Variants in ATP2A2 observed in about 807,000 individuals in gnomAD.
ATP2A2 encodes the protein sarcoplasmic/endoplasmic reticulum calcium ATPase 2.
A neutral mutation model predicts 109.3 loss-of-function variants in ATP2A2; 14 were observed. The ratio of observed to expected loss-of-function variants is 0.13; its 90% CI spans 0.08 to 0.20. The LOEUF is 0.20. Among genes scored for constraint, ATP2A2 ranks in the 10% least tolerant of loss-of-function variants. The pLI, the probability that ATP2A2 is intolerant of heterozygous loss-of-function variation, is 1.00. For synonymous variants in ATP2A2, 506 were observed against 490.9 expected (o/e 1.03, Z -0.41); for missense variants, 657 against 1,321.6 (o/e 0.50, Z 7.80).
chr12:110,347,073 T>A lies in ATP2A2; in HGVS notation c.*603T>A. 1 of 1,041,308 alleles carries A rather than the reference T, an allele frequency of 9.6e-7. No individual in the cohort carries two copies. The highest frequency in any genetic ancestry group is 1.9e-5 in the African/African-American group (1 of 53,674). The allele number at this position is 1,041,308 out of a possible 1,614,324, so 64.5% of individuals were successfully genotyped here. On this transcript the variant is annotated 3_prime_UTR_variant, in exon 20 of 20. Coordinates refer to ENST00000539276, the MANE Select transcript of ATP2A2 (RefSeq NM_170665.4). The stretch of plus-strand genomic sequence containing the variant: ...TACCCCCGCCCCGCTTGGCTTCTTC[T>A]TTAGGATTGTGATGGTTCGTTCTGT...
At chr12:110,319,424 C>T (rs1239469793) in intron 5 of ATP2A2, among the ~76,000 whole-genome samples, 2 of 151,500 alleles carry the variant, frequency 1.3e-5, no homozygotes. Flanking sequence ...GTTTCCCAGG[C>T]ATTTGACATT....
At chr12:110,343,582 C>CGT (rs759044107) in intron 16 of ATP2A2, 148 bp downstream of exon 16, 1 of 928,992 alleles carries the variant, frequency 1.1e-6, no homozygotes. Flanking sequence ...GTTCGATGAA[C>CGT]TATACATCCA....
intron 3 of ATP2A2, among the ~76,000 whole-genome samples, chr12:110,288,942 T>TC (rs1357455300): frequency 6.6e-6 from 1 of 152,186 alleles, no homozygotes; most frequent in Non-Finnish European, 1.5e-5. Flanking sequence ...CTGTTGTCAA[T>TC]CCTCTTTCTC....
intron 6 of ATP2A2, among the ~76,000 whole-genome samples, chr12:110,325,133 G>C (rs1000567102): frequency 6.6e-6 from 1 of 151,702 alleles, no homozygotes; most frequent in Non-Finnish European, 1.5e-5. Context: ...AACTTTAAAA[G>C]TTTAAAAAAA....
intron 5 of ATP2A2, among the ~76,000 whole-genome samples, chr12:110,315,015 C>T (rs1230978124): frequency 6.6e-6 from 1 of 151,958 alleles, no homozygotes; most frequent in Non-Finnish European, 1.5e-5. Context: ...CACAGGCACC[C>T]GCCACCATGC....
In ATP2A2 at chr12:110,349,869, G is replaced by C; in HGVS notation, c.*3399G>C. 1 of 1,052,756 alleles carries C rather than the reference G, an allele frequency of 9.5e-7. No homozygotes were observed. The highest frequency in any genetic ancestry group is 1.1e-6 in the Non-Finnish European group (1 of 870,904). 65.2% of individuals were successfully genotyped at this position (1,052,756 alleles called of 1,614,324 possible). ...CTCTCCAGGGCTAGGCAAGGCAGGC[G>C]AGCAGCCAGAAGCCGGGTGCCCACA... On this transcript the variant is annotated 3_prime_UTR_variant, in exon 20 of 20. Coordinates refer to ENST00000539276, the MANE Select transcript of ATP2A2 (RefSeq NM_170665.4).
intron 6 of ATP2A2, among the ~76,000 whole-genome samples, chr12:110,324,570 C>T (rs148075851): frequency 0.012 from 1,776 of 152,138 alleles, 50 homozygotes; most frequent in African/African-American, 0.04. Flanking sequence ...TATAGGCGTG[C>T]GCCACCATGC....
At chr12:110,312,893 T>G (rs1408501012) in intron 5 of ATP2A2, among the ~76,000 whole-genome samples, 2 of 151,148 alleles carry the variant, frequency 1.3e-5, no homozygotes, top group African/African-American at 4.9e-5. Flanking sequence ...GAAAAATTGC[T>G]TTAGTTGTTC....
At chr12:110,300,027 A>ATTAC (rs1279091901) in intron 5 of ATP2A2, among the ~76,000 whole-genome samples, 1 of 151,538 alleles carries the variant, frequency 6.6e-6, no homozygotes. Flanking sequence ...AAGTGCTGGG[A>ATTAC]TTACAGGAGT....
chr12:110,321,009 CT>C (rs1316030429), intron 5 of ATP2A2, among the ~76,000 whole-genome samples: 1 of 152,142 alleles, frequency 6.6e-6, no homozygotes, highest in Non-Finnish European at 1.5e-5. Flanking sequence ...AGGTGGATGC[CT>C]GAGGTCAGGA....
chr12:110,317,754 A>G (rs1876821644), intron 5 of ATP2A2, among the ~76,000 whole-genome samples: 1 of 152,212 alleles, frequency 6.6e-6, no homozygotes, highest in South Asian at 2.1e-4. Context: ...ATCATGGCTT[A>G]TAAACGTTTG....
At chr12:110,320,982 A>AT (rs1321186027) in intron 5 of ATP2A2, among the ~76,000 whole-genome samples, 2 of 152,222 alleles carry the variant, frequency 1.3e-5, no homozygotes, top group African/African-American at 2.4e-5. Context: ...TAATCTCAGC[A>AT]TTTTGGGAGG....
At chr12:110,312,427 G>A (rs1427936913) in intron 5 of ATP2A2, among the ~76,000 whole-genome samples, 4 of 152,118 alleles carry the variant, frequency 2.6e-5, no homozygotes, top group African/African-American at 7.2e-5. Flanking sequence ...GTCCCTTTGA[G>A]AATTAATGAA....
chr12:110,306,078 T>A (rs1364855677), intron 5 of ATP2A2, among the ~76,000 whole-genome samples: 1 of 152,212 alleles, frequency 6.6e-6, no homozygotes, highest in East Asian at 1.9e-4. Context: ...TTCACCGCTA[T>A]GACAGGCTGG....
chr12:110,296,843 A>G (rs1396526649), intron 5 of ATP2A2, 106 bp downstream of exon 5: 30 of 1,298,018 alleles, frequency 2.3e-5, no homozygotes, highest in African/African-American at 7.5e-5. Context: ...TCATGTATCA[A>G]TTAACACATT....
chr12:110,343,165 A>G, intron 15 of ATP2A2, 67 bp from the exon 16 acceptor site: 3 of 1,524,318 alleles, frequency 2.0e-6, no homozygotes, highest in Non-Finnish European at 2.7e-6. Context: ...CGGGTTGATG[A>G]TGCTCTTTAA....
At chr12:110,296,326 G>A (rs1216894494) in intron 4 of ATP2A2, 1 of 431,982 alleles carries the variant, frequency 2.3e-6, no homozygotes, top group African/African-American at 2.0e-5. Context: ...TGAAAGCTGT[G>A]TTTTACAGTC....
chr12:110,322,520 G>T (rs1280431318), intron 5 of ATP2A2, among the ~76,000 whole-genome samples: 1 of 151,658 alleles, frequency 6.6e-6, no homozygotes, highest in Admixed American at 6.6e-5. Context: ...TTTTGCATTT[G>T]CCATGTGTTT....
chr12:110,346,490 A>C lies in ATP2A2; in HGVS notation c.*20A>C. On this transcript the variant is annotated 3_prime_UTR_variant, in exon 20 of 20. Transcript: ENST00000539276. ...TCTTGACTGACAGTTTTCCATAAAGAAGATGTTTAACTTAATCAATTAATT... is the reference window on the plus strand; with the variant it reads ...TCTTGACTGACAGTTTTCCATAAAGCAGATGTTTAACTTAATCAATTAATT... 1 of 1,614,070 alleles carries C rather than the reference A, an allele frequency of 6.2e-7. No individual in the cohort carries two copies. Among genetic ancestry groups the C allele is most frequent in the Non-Finnish European group, 8.5e-7 (1 of 1,180,010 alleles).
Sources: gnomAD v4.1 joint callset for allele counts (sites outside exome capture counted in the v4.1 genomes callset) on GRCh38, gnomAD v4.1.1 for gene constraint, MANE v1.5 for transcripts, NCBI Gene and HGNC (gene_info 2026-07-23, HGNC 2026-07-21) for gene names.